CELF2: variants seen among roughly 807,000 people sequenced by gnomAD.
CELF2 encodes CUG triplet repeat RNA-binding protein 2.
Under a neutral mutation model 62.6 loss-of-function variants are expected in CELF2, and 8 were observed. That is an observed-to-expected ratio of 0.13 (90% CI 0.07 to 0.23). The LOEUF (loss-of-function observed/expected upper bound fraction) is 0.23. Ranked by LOEUF, CELF2 falls within the 10% of genes least tolerant of loss-of-function variation. CELF2 has a pLI of 1.00. For synonymous variants in CELF2, 258 were observed against 250.0 expected (o/e 1.03, Z -0.30); for missense variants, 333 against 671.0 (o/e 0.50, Z 5.56).
intron 1 of CELF2, among the ~76,000 whole-genome samples, chr10:11,129,931 C>G (rs1237110038): frequency 1.3e-5 from 2 of 152,148 alleles, no homozygotes; most frequent in Non-Finnish European, 2.9e-5. Context: ...AATTTGTTTG[C>G]TCTTGCTTCT....
At chr10:11,167,667 T>C (rs900250000) in intron 2 of CELF2, among the ~76,000 whole-genome samples, 2 of 152,220 alleles carry the variant, frequency 1.3e-5, no homozygotes, top group Non-Finnish European at 2.9e-5. Flanking sequence ...TTTTGTTAAC[T>C]TCTGTTCACT....
At chr10:11,218,999 T>G (rs901354916) in intron 3 of CELF2, among the ~76,000 whole-genome samples, 1 of 152,230 alleles carries the variant, frequency 6.6e-6, no homozygotes, top group African/African-American at 2.4e-5. Flanking sequence ...TTGTATTTCT[T>G]CTTTTAAAAA....
At chr10:10,712,324 G>A in the CELF2 span, among the ~76,000 whole-genome samples, 4 of 152,004 alleles carry the variant, frequency 2.6e-5, no homozygotes, top group Admixed American at 6.6e-5. Context: ...CTCTTAATTC[G>A]CACTTCAGTA....
chr10:10,651,685 AAACAG>A, the CELF2 span, among the ~76,000 whole-genome samples: 1 of 151,026 alleles, frequency 6.6e-6, no homozygotes, highest in Non-Finnish European at 1.5e-5. Context: ...GAAAACTAAC[AAACAG>A]AAAAGACATC....
rs568543876 is a variant in CELF2 at position 11,306,147 on chromosome 10, G to A, written c.977-7992G>A. The stretch of plus-strand genomic sequence containing the variant: ...GTGCGAGCAAGGTGAGGTGCACTTT[G>A]CAGCCTCCGTCTGGGATCCTCTTGG... On this transcript the variant is annotated intron_variant, in intron 9 of 12. Transcript: ENST00000633077. The surrounding 1 kb of genome is among the most constrained non-coding windows in gnomAD (Gnocchi z 4.4). 4.6e-5 allele frequency among the ~76,000 whole-genome samples: 7 copies of A among 152,226 alleles called. 1 individual carries two copies. Among genetic ancestry groups the A allele is most frequent in the South Asian group, 4.1e-4 (2 of 4,822 alleles).
intron 1 of CELF2, among the ~76,000 whole-genome samples, chr10:11,051,002 C>T (rs192209669): frequency 6.6e-6 from 1 of 152,302 alleles, no homozygotes; most frequent in Non-Finnish European, 1.5e-5. Context: ...CTGAGAAAAC[C>T]TCGCCTATTT....
the CELF2 span, among the ~76,000 whole-genome samples, chr10:10,677,743 G>T: frequency 6.6e-6 from 1 of 152,196 alleles, no homozygotes; most frequent in African/African-American, 2.4e-5. Context: ...CATGCTCAAA[G>T]ATGGCTGACT....
chr10:10,852,997 GAGAC>G (rs2059480043), intron 1 of CELF2, among the ~76,000 whole-genome samples: 1 of 152,118 alleles, frequency 6.6e-6, no homozygotes, highest in African/African-American at 2.4e-5. Context: ...TATTATTACT[GAGAC>G]AGAGTCTCAC....
At chr10:10,482,145 C>A in the CELF2 span, among the ~76,000 whole-genome samples, 1 of 152,146 alleles carries the variant, frequency 6.6e-6, no homozygotes, top group Non-Finnish European at 1.5e-5. Context: ...CAGAAGATTC[C>A]ATTTTGGAAA....
chr10:10,819,832 C>G (rs977921510), intron 1 of CELF2, among the ~76,000 whole-genome samples: 1 of 152,100 alleles, frequency 6.6e-6, no homozygotes, highest in Non-Finnish European at 1.5e-5. Flanking sequence ...CTGTCTCAGA[C>G]TTTACAGTTT....
At chr10:10,717,519 T>G in the CELF2 span, among the ~76,000 whole-genome samples, 3 of 152,202 alleles carry the variant, frequency 2.0e-5, no homozygotes, top group Non-Finnish European at 2.9e-5. Flanking sequence ...TAAATTTATA[T>G]TTAGTTCTCT....
chr10:10,970,671 A>G (rs879550373), intron 2 of CELF2: 1 of 152,150 alleles, frequency 6.6e-6, no homozygotes, highest in Non-Finnish European at 1.5e-5. Flanking sequence ...AACAATTCTC[A>G]TTTTCTTTCC....
the CELF2 span, among the ~76,000 whole-genome samples, chr10:10,517,713 G>T: frequency 6.6e-6 from 1 of 152,142 alleles, no homozygotes; most frequent in Non-Finnish European, 1.5e-5. Context: ...AGAGACAGTA[G>T]CGATCAAGGT....
the CELF2 span, among the ~76,000 whole-genome samples, chr10:10,502,642 G>A: frequency 6.6e-4 from 100 of 151,728 alleles, no homozygotes; most frequent in Non-Finnish European, 1.1e-3. Context: ...CCTGATAATG[G>A]CAATTTGCAT....
intron 3 of CELF2, among the ~76,000 whole-genome samples, chr10:11,238,838 C>T (rs773927856): frequency 6.6e-6 from 1 of 152,174 alleles, no homozygotes; most frequent in Non-Finnish European, 1.5e-5. Flanking sequence ...ATTCATGGTC[C>T]GTGCCTCCTA....
At chr10:11,108,540 T>C (rs2054275104) in intron 1 of CELF2, among the ~76,000 whole-genome samples, 1 of 152,102 alleles carries the variant, frequency 6.6e-6, no homozygotes, top group African/African-American at 2.4e-5. Context: ...AGTGCTGCAG[T>C]GAATGCACAT....
At chr10:10,597,654 A>G in the CELF2 span, among the ~76,000 whole-genome samples, 1 of 152,258 alleles carries the variant, frequency 6.6e-6, no homozygotes, top group African/African-American at 2.4e-5. Context: ...CTTATAGTTG[A>G]TTCCAAGTTA....
intron 2 of CELF2, among the ~76,000 whole-genome samples, chr10:10,956,432 G>T (rs997055154): frequency 6.6e-6 from 1 of 152,148 alleles, no homozygotes; most frequent in African/African-American, 2.4e-5. Context: ...CTGGGTGGAG[G>T]CCATCAGATG....
the CELF2 span, among the ~76,000 whole-genome samples, chr10:10,551,113 T>G: frequency 2.0e-5 from 3 of 152,198 alleles, no homozygotes; most frequent in African/African-American, 7.2e-5. Context: ...TGTGGAGATC[T>G]GTGAAAACTG....
Sources: allele counts gnomAD v4.1 joint callset (sites outside exome capture counted in the v4.1 genomes callset), GRCh38; gene constraint gnomAD v4.1.1; non-coding constraint Gnocchi (gnomAD v3.1); transcripts MANE v1.5; gene names NCBI Gene and HGNC (gene_info 2026-07-23, HGNC 2026-07-21).